ISM2: variants seen among roughly 807,000 people sequenced by gnomAD.
ISM2 encodes the protein isthmin 2, also known as isthmin-2.
In ISM2, 50 loss-of-function variants were observed where a neutral mutation model predicts 58.0. The observed-to-expected ratio is 0.86, with a 90% confidence interval of 0.69 to 1.09. The LOEUF is 1.09. Among genes scored for constraint, ISM2 ranks in the 50% least tolerant of loss-of-function variants. The probability of loss-of-function intolerance (pLI) is 0.00; values close to 1 mark genes in which losing one functional copy is unlikely to be tolerated. For missense variants in ISM2, 723 were observed against 745.0 expected, an observed-to-expected ratio of 0.97 and a Z score of 0.34; for synonymous variants, 303 against 312.4, an observed-to-expected ratio of 0.97 and a Z score of 0.32.
chr14:77,486,004 C>T (rs2079165322), intron 1 of ISM2, among the ~76,000 whole-genome samples: 1 of 152,220 alleles, frequency 6.6e-6, no homozygotes. Flanking sequence ...TTACTGCACA[C>T]CAGGCACTAT....
intron 1 of ISM2, 134 bp from the exon 2 acceptor site, chr14:77,485,053 T>G: frequency 2.2e-6 from 2 of 909,866 alleles, no homozygotes; most frequent in Non-Finnish European, 3.3e-6. Context: ...CTTACATCTC[T>G]CTGGAGTGTG....
chr14:77,482,754 G>T, intron 3 of ISM2, 87 bp from the exon 4 acceptor site: 1 of 826,654 alleles, frequency 1.2e-6, no homozygotes, highest in Non-Finnish European at 1.9e-6. Context: ...CAGGGTCAGA[G>T]GTGAGAGGCC....
At chr14:77,478,926 G>A (rs931257872) in intron 4 of ISM2, among the ~76,000 whole-genome samples, 1 of 152,140 alleles carries the variant, frequency 6.6e-6, no homozygotes, top group Non-Finnish European at 1.5e-5. Context: ...ATATCAGGTG[G>A]CTCTGAAAAG....
At chr14:77,498,449 C>T (rs1429743741) in intron 1 of ISM2, 3 of 1,183,970 alleles carry the variant, frequency 2.5e-6, no homozygotes, top group Admixed American at 2.2e-5. Flanking sequence ...CTCGCGGTCA[C>T]GCGCGAGGAG....
At chr14:77,490,390 G>GTAAACCAAAAA (rs2079195676) in intron 1 of ISM2, among the ~76,000 whole-genome samples, 2 of 152,138 alleles carry the variant, frequency 1.3e-5, no homozygotes, top group Admixed American at 6.5e-5. Context: ...GAAAGAAAAA[G>GTAAACCAAAAA]AACGGAGCCA....
chr14:77,483,240 C>A (rs1483930894), intron 3 of ISM2, among the ~76,000 whole-genome samples: 3 of 152,144 alleles, frequency 2.0e-5, no homozygotes, highest in South Asian at 4.1e-4. Flanking sequence ...AAAAAAACAG[C>A]AAACTATGAA....
chr14:77,478,220 G>C, intron 6 of ISM2, 22 bp downstream of exon 6: 1 of 1,607,532 alleles, frequency 6.2e-7, no homozygotes, highest in South Asian at 1.1e-5. Context: ...ACCACCAGGG[G>C]CAAGCCTAGC....
At chr14:77,483,053 A>G (rs1344506439) in intron 3 of ISM2, among the ~76,000 whole-genome samples, 1 of 152,178 alleles carries the variant, frequency 6.6e-6, no homozygotes, top group Non-Finnish European at 1.5e-5. Flanking sequence ...TGAGCCTCCA[A>G]TTCCTCATGG....
rs76361722 is a variant in ISM2 at position 77,482,894 on chromosome 14, C to T, written c.628-227G>A. 9.8e-3 allele frequency: 4,515 copies of T among 461,222 alleles called. 159 individuals carry two copies. The highest frequency in any genetic ancestry group is 0.081 in the African/African-American group (4,079 of 50,280). The allele number at this position is 461,222 out of a possible 1,614,324, so 28.6% of individuals were successfully genotyped here. A position where few individuals can be genotyped will look rare whatever the true frequency, so the allele number is the denominator to read the frequency against. On this transcript the variant is annotated intron_variant, in intron 3 of 6. Transcript: ENST00000342219. ...TAGAATCACCTGGGGACTCCTAATTCGCAGATGCCAGGTATGGACTGAACT... is the reference window on the plus strand; with the variant it reads ...TAGAATCACCTGGGGACTCCTAATTTGCAGATGCCAGGTATGGACTGAACT...
At chr14:77,482,990 C>CT (rs2079142425) in intron 3 of ISM2, 1 of 248,850 alleles carries the variant, frequency 4.0e-6, no homozygotes, top group Non-Finnish European at 7.6e-6. Flanking sequence ...TTAAGAGAAG[C>CT]TGGCTTTGAA....
chr14:77,486,061 ATT>A (rs1179189170), intron 1 of ISM2, among the ~76,000 whole-genome samples: 1 of 152,154 alleles, frequency 6.6e-6, no homozygotes, highest in African/African-American at 2.4e-5. Context: ...TTACATCCTC[ATT>A]GTCATGCCTG....
intron 1 of ISM2, among the ~76,000 whole-genome samples, chr14:77,489,763 G>A (rs185775160): frequency 1.4e-4 from 21 of 152,292 alleles, no homozygotes; most frequent in African/African-American, 3.9e-4. Context: ...GCACAGGGCC[G>A]GCTTCATGGT....
intron 1 of ISM2, among the ~76,000 whole-genome samples, chr14:77,493,005 A>C (rs2079215875): frequency 6.6e-6 from 1 of 151,066 alleles, no homozygotes; most frequent in Non-Finnish European, 1.5e-5. Flanking sequence ...CAAAAAAAGA[A>C]AAAAAAAAGA....
intron 6 of ISM2, 43 bp from the exon 7 acceptor site, chr14:77,476,155 G>T: frequency 6.7e-7 from 1 of 1,499,070 alleles, no homozygotes; most frequent in Non-Finnish European, 8.8e-7. Flanking sequence ...CAGTGACAGA[G>T]CCAGGCCCGT....
chr14:77,483,787 C>G (rs2079148479), intron 3 of ISM2: 2 of 152,268 alleles, frequency 1.3e-5, no homozygotes, highest in Non-Finnish European at 2.9e-5. Context: ...ACTATAGCTG[C>G]TACACAAACA....
At chr14:77,483,547 CAAA>C (rs5809837) in intron 3 of ISM2, among the ~76,000 whole-genome samples, 5 of 112,004 alleles carry the variant, frequency 4.5e-5, no homozygotes, top group Admixed American at 9.7e-5. Context: ...GACTCCATCT[CAAA>C]AAAAAAAAAA....
At chr14:77,491,329 C>G (rs1365529165) in intron 1 of ISM2, among the ~76,000 whole-genome samples, 1 of 152,230 alleles carries the variant, frequency 6.6e-6, no homozygotes, top group Non-Finnish European at 1.5e-5. Context: ...CCATCCCGCT[C>G]CAGGTGGGAC....
chr14:77,485,730 G>T (rs1036266680), intron 1 of ISM2, among the ~76,000 whole-genome samples: 2 of 152,334 alleles, frequency 1.3e-5, no homozygotes, highest in East Asian at 3.9e-4. Flanking sequence ...TCCCAGAGCT[G>T]CCTTATGAGT....
chr14:77,486,776 C>T (rs144664364), intron 1 of ISM2, among the ~76,000 whole-genome samples: 41 of 151,796 alleles, frequency 2.7e-4, no homozygotes, highest in African/African-American at 9.7e-4. Context: ...CAGTGGTTCT[C>T]ATCTGGGGAC....
Sources: gnomAD v4.1 joint callset for allele counts (sites outside exome capture counted in the v4.1 genomes callset) on GRCh38, gnomAD v4.1.1 for gene constraint, MANE v1.5 for transcripts, NCBI Gene and HGNC (gene_info 2026-07-23, HGNC 2026-07-21) for gene names.